Variants in ERC1 observed in about 807,000 individuals in gnomAD.
The protein encoded by ERC1 is ELKS/RAB6-interacting/CAST family member 1, also known as RAB6 interacting protein 2.
ERC1 carries 56 observed loss-of-function variants against 132.0 expected under a neutral mutation model. The observed-to-expected ratio is 0.42, with a 90% CI of 0.34 to 0.53. The LOEUF is 0.53. Ranked by LOEUF, ERC1 falls within the 20% of genes least tolerant of loss-of-function variation. ERC1 has a pLI of 0.03. For synonymous variants in ERC1, 478 were observed against 476.1 expected, an observed-to-expected ratio of 1.00 and a Z score of -0.05; for missense variants, 1,202 against 1,349.9, an observed-to-expected ratio of 0.89 and a Z score of 1.72.
intron 15 of ERC1, among the ~76,000 whole-genome samples, chr12:1,341,095 T>C (rs1298336391): frequency 2.4e-4 from 20 of 84,654 alleles, no homozygotes; most frequent in African/African-American, 4.3e-4. Context: ...TTTTTTTTTT[T>C]TTTTTTTTTT....
intron 7 of ERC1, among the ~76,000 whole-genome samples, chr12:1,137,083 CTTTCTTTTTTTCT>C (rs1566056305): frequency 5.6e-5 from 8 of 144,116 alleles, no homozygotes; most frequent in East Asian, 4.0e-4. Context: ...TTTTCTTTTT[CTTTCTTTTTTTCT>C]TTTCTTTTTT....
chr12:1,380,416 C>T (rs1236420130), intron 16 of ERC1: 1 of 152,264 alleles, frequency 6.6e-6, no homozygotes, highest in African/African-American at 2.4e-5. Context: ...TGCCATCTGT[C>T]TCCTTCTCAG....
intron 4 of ERC1, among the ~76,000 whole-genome samples, chr12:1,106,951 G>A (rs374227489): frequency 6.6e-6 from 1 of 152,174 alleles, no homozygotes; most frequent in East Asian, 1.9e-4. Flanking sequence ...TAGCTGTGTT[G>A]CTGAGAATGT....
chr12:1,378,691 A>G (rs1446384083), intron 16 of ERC1, among the ~76,000 whole-genome samples: 1 of 152,202 alleles, frequency 6.6e-6, no homozygotes, highest in African/African-American at 2.4e-5. Context: ...AGTTTTATTA[A>G]CTACTTTCTA....
intron 2 of ERC1, among the ~76,000 whole-genome samples, chr12:1,068,251 C>T (rs1939638746): frequency 1.1e-5 from 1 of 93,618 alleles, no homozygotes; most frequent in Admixed American, 1.0e-4. Flanking sequence ...TTAATTAAGA[C>T]TCTAAGTTTT....
At chr12:1,394,391 C>T (rs2090353020) in intron 16 of ERC1, among the ~76,000 whole-genome samples, 1 of 152,184 alleles carries the variant, frequency 6.6e-6, no homozygotes, top group Non-Finnish European at 1.5e-5. Context: ...CAGAGCAAGA[C>T]TCCTCTAAAA....
intron 12 of ERC1, among the ~76,000 whole-genome samples, chr12:1,208,808 G>A (rs894387627): frequency 1.3e-5 from 2 of 152,166 alleles, no homozygotes; most frequent in South Asian, 4.2e-4. Flanking sequence ...TTTGAGATGA[G>A]TCTTTCTCTT....
chr12:1,476,181 G>T (rs533064352), intron 18 of ERC1, among the ~76,000 whole-genome samples: 116 of 151,840 alleles, frequency 7.6e-4, no homozygotes, highest in African/African-American at 2.7e-3. Context: ...GCATGAACCC[G>T]GGAGGCAGAG....
At chr12:1,129,692 G>T (rs1948569092) in intron 7 of ERC1, among the ~76,000 whole-genome samples, 1 of 152,142 alleles carries the variant, frequency 6.6e-6, no homozygotes, top group South Asian at 2.1e-4. Context: ...TCTGTACCAA[G>T]CTGAACTCTC....
chr12:1,288,539 T>TA (rs1304302755), intron 14 of ERC1, among the ~76,000 whole-genome samples: 1 of 152,262 alleles, frequency 6.6e-6, no homozygotes, highest in East Asian at 1.9e-4. Flanking sequence ...ATTTGCTTAC[T>TA]ATCATTGTTT....
In ERC1 at chr12:1,293,529, C is replaced by T. The variant is rs61913062; in HGVS notation, c.2780+3517C>T. Among the ~76,000 whole-genome samples the T allele has an allele frequency of 5.7e-4, 40 of 70,400 alleles. 4 individuals are homozygous for T. The highest frequency in any genetic ancestry group is 1.5e-3 in the African/African-American group (30 of 19,930). 46.2% of individuals were successfully genotyped at this position (70,400 alleles called of 152,430 possible). ...CTGTAATCCCAGCTACTCAGGAGGC[C>T]GAGGCAGGAGAATCACTTGAACCCA... is the stretch of plus-strand genomic sequence containing the variant. On this transcript the variant is annotated intron_variant, in intron 15 of 18. Transcript: ENST00000360905.
At chr12:1,229,697 T>C (rs2074877250) in intron 12 of ERC1, among the ~76,000 whole-genome samples, 1 of 152,162 alleles carries the variant, frequency 6.6e-6, no homozygotes, top group Admixed American at 6.6e-5. Context: ...TGAATTCTCT[T>C]TCTCAGTTAT....
intron 12 of ERC1, among the ~76,000 whole-genome samples, chr12:1,223,725 G>A (rs1268139318): frequency 6.6e-6 from 1 of 152,128 alleles, no homozygotes; most frequent in Non-Finnish European, 1.5e-5. Context: ...TATTATAATA[G>A]TTGGGAGCTT....
rs1487269133 is a variant in ERC1 at position 1,440,446 on chromosome 12, T to C, written c.3025-4116T>C. Reference sequence around the variant, plus strand: ...TGGTCTCGATCTCCTGACCTCGTGATCTGCCCTCCTTGGCCTCCCAAAGTG... The same window carrying C: ...TGGTCTCGATCTCCTGACCTCGTGACCTGCCCTCCTTGGCCTCCCAAAGTG... On this transcript the variant is annotated intron_variant, in intron 17 of 18. Transcript: ENST00000360905. Among the ~76,000 whole-genome samples the C allele has an allele frequency of 2.6e-5, 4 of 151,202 alleles. No individual in the cohort carries two copies. In the East Asian group the frequency reaches 7.8e-4, roughly 29 times the overall value.
intron 17 of ERC1, among the ~76,000 whole-genome samples, chr12:1,415,238 G>T (rs994549189): frequency 6.6e-6 from 1 of 152,160 alleles, no homozygotes. Flanking sequence ...ACTTCACCCC[G>T]TGGAGCAGTT....
intron 2 of ERC1, among the ~76,000 whole-genome samples, chr12:1,042,544 C>T (rs1970422147): frequency 6.6e-6 from 1 of 151,156 alleles, no homozygotes; most frequent in Non-Finnish European, 1.5e-5. Flanking sequence ...CAGGGTTTCA[C>T]TATGCCAGGT....
At chr12:1,406,441 A>G (rs940361062) in intron 16 of ERC1, among the ~76,000 whole-genome samples, 4 of 152,204 alleles carry the variant, frequency 2.6e-5, no homozygotes, top group Admixed American at 6.5e-5. Flanking sequence ...AAAATATGCT[A>G]TAAGATATAG....
intron 15 of ERC1, among the ~76,000 whole-genome samples, chr12:1,321,384 T>C (rs1257201546): frequency 6.6e-6 from 1 of 152,204 alleles, no homozygotes; most frequent in Non-Finnish European, 1.5e-5. Flanking sequence ...CACAGATATT[T>C]CTTGTAAAGG....
At chr12:1,460,493 G>A (rs533782692) in intron 18 of ERC1, among the ~76,000 whole-genome samples, 26 of 152,092 alleles carry the variant, frequency 1.7e-4, no homozygotes, top group Non-Finnish European at 3.2e-4. Flanking sequence ...AGGTAAATAC[G>A]TTTGAATGCG....
Sources: gnomAD v4.1 joint callset for allele counts (sites outside exome capture counted in the v4.1 genomes callset) on GRCh38, gnomAD v4.1.1 for gene constraint, MANE v1.5 for transcripts, NCBI Gene and HGNC (gene_info 2026-07-23, HGNC 2026-07-21) for gene names.